The following KCND2 variants were observed in gnomAD, a reference collection of about 807,000 sequenced individuals.
KCND2 encodes the protein potassium voltage-gated channel subfamily D member 2.
In KCND2, 16 loss-of-function variants were observed where a neutral mutation model predicts 54.4. The observed-to-expected ratio is 0.29, with a 90% CI of 0.20 to 0.45. The LOEUF (loss-of-function observed/expected upper bound fraction) is 0.45, where lower values mean the gene tolerates loss of function less well. KCND2 is among the 20% of genes least tolerant of loss of function. The probability of loss-of-function intolerance (pLI) is 1.00; values close to 1 mark genes in which losing one functional copy is unlikely to be tolerated. For missense variants in KCND2, 486 were observed against 824.2 expected (o/e 0.59, Z 5.02); for synonymous variants, 317 against 310.7 (o/e 1.02, Z -0.21).
chr7:120,607,822 G>A (rs1165047699), intron 1 of KCND2, among the ~76,000 whole-genome samples: 2 of 151,986 alleles, frequency 1.3e-5, no homozygotes, highest in African/African-American at 4.8e-5. Context: ...CAGGATGGAG[G>A]AAGAACATTT....
Position 120,348,182 on chromosome 7 carries a change from C to G in KCND2, c.1115+72435C>G, listed in dbSNP as rs537961957. ...ATCATCAGATACGCTATAATGCTAT[C>G]TCTTTGATTCCAAATATCATAGATA... is the stretch of plus-strand genomic sequence containing the variant. On this transcript the variant is annotated intron_variant, in intron 1 of 5. Transcript: ENST00000331113. Among the ~76,000 whole-genome samples the G allele has an allele frequency of 2.6e-5, 4 of 152,262 alleles. No individual in the cohort carries two copies. In the East Asian group the frequency reaches 7.7e-4, roughly 29 times the overall value.
chr7:120,734,232 G>C (rs1343998927), intron 2 of KCND2, among the ~76,000 whole-genome samples: 2 of 152,062 alleles, frequency 1.3e-5, no homozygotes, highest in Admixed American at 6.6e-5. Flanking sequence ...AAACTCAGCG[G>C]TTGGCACAAG....
At chr7:120,526,193 A>G (rs1791771045) in intron 1 of KCND2, among the ~76,000 whole-genome samples, 1 of 152,182 alleles carries the variant, frequency 6.6e-6, no homozygotes, top group Admixed American at 6.5e-5. Flanking sequence ...ACCAGACATC[A>G]CTTTCTGAAT....
intron 1 of KCND2, among the ~76,000 whole-genome samples, chr7:120,731,959 A>G (rs1792813316): frequency 6.6e-6 from 1 of 152,140 alleles, no homozygotes; most frequent in Non-Finnish European, 1.5e-5. Flanking sequence ...GGGAAATGAG[A>G]GTTCCATTTT....
At chr7:120,731,173 C>A (rs887618491) in intron 1 of KCND2, among the ~76,000 whole-genome samples, 2 of 152,166 alleles carry the variant, frequency 1.3e-5, no homozygotes, top group Admixed American at 6.6e-5. Flanking sequence ...TAGGAGCTGG[C>A]CTTATGCTCA....
intron 2 of KCND2, among the ~76,000 whole-genome samples, chr7:120,739,821 A>G (rs1792918356): frequency 6.7e-6 from 1 of 148,834 alleles, no homozygotes; most frequent in African/African-American, 2.6e-5. Flanking sequence ...ACACACACAC[A>G]CACACACACA....
chr7:120,475,080 G>A (rs567892007), intron 1 of KCND2, among the ~76,000 whole-genome samples: 1 of 152,242 alleles, frequency 6.6e-6, no homozygotes, highest in East Asian at 1.9e-4. Flanking sequence ...CACTCTATGT[G>A]AAATGTTGCT....
chr7:120,431,058 TTAA>T (rs1319134292), intron 1 of KCND2, among the ~76,000 whole-genome samples: 1 of 152,210 alleles, frequency 6.6e-6, no homozygotes, highest in Non-Finnish European at 1.5e-5. Context: ...ACTAATATGT[TTAA>T]CATCTGCAGC....
At chr7:120,571,001 C>A (rs1172141671) in intron 1 of KCND2, among the ~76,000 whole-genome samples, 1 of 152,190 alleles carries the variant, frequency 6.6e-6, no homozygotes, top group African/African-American at 2.4e-5. Context: ...GGAGACCCTG[C>A]ACGCTGCTCA....
chr7:120,307,216 G>GA (rs202232415), intron 1 of KCND2, among the ~76,000 whole-genome samples: 176 of 149,404 alleles, frequency 1.2e-3, no homozygotes, highest in African/African-American at 3.9e-3. Flanking sequence ...TTTATGTAGA[G>GA]AAAAAAAAAC....
chr7:120,595,591 G>GTGTGTA (rs370024431), intron 1 of KCND2, among the ~76,000 whole-genome samples: 22 of 131,898 alleles, frequency 1.7e-4, no homozygotes, highest in Admixed American at 8.1e-4. Flanking sequence ...GTGTGTGTGT[G>GTGTGTA]TATATATATA....
At chr7:120,397,719 A>T (rs1259258836) in intron 1 of KCND2, among the ~76,000 whole-genome samples, 1 of 151,870 alleles carries the variant, frequency 6.6e-6, no homozygotes, top group Non-Finnish European at 1.5e-5. Flanking sequence ...CCTACAGTTT[A>T]CTTAACAATA....
intron 1 of KCND2, among the ~76,000 whole-genome samples, chr7:120,409,276 A>G (rs1378676764): frequency 6.6e-6 from 1 of 151,958 alleles, no homozygotes. Context: ...ATATGAAAAA[A>G]GATACAATGT....
chr7:120,606,030 A>G lies in KCND2; in HGVS notation c.1116-126873A>G, dbSNP rs114449483. 9.6e-3 allele frequency among the ~76,000 whole-genome samples: 1,459 copies of G among 152,164 alleles called. 23 individuals carry two copies. Among genetic ancestry groups the G allele is most frequent in the African/African-American group, 0.033 (1,364 of 41,520 alleles). On this transcript the variant is annotated intron_variant, in intron 1 of 5. Coordinates refer to ENST00000331113, the MANE Select transcript of KCND2 (RefSeq NM_012281.3). ...TCTCATGAAATCTGATGGTTTTATAAAAGGCATTTCCCCTGCACACACTCT... is the reference window on the plus strand; with the variant it reads ...TCTCATGAAATCTGATGGTTTTATAGAAGGCATTTCCCCTGCACACACTCT...
intron 1 of KCND2, among the ~76,000 whole-genome samples, chr7:120,584,764 G>A (rs552232660): frequency 6.6e-6 from 1 of 152,178 alleles, no homozygotes; most frequent in Admixed American, 6.5e-5. Context: ...ACACACGCAT[G>A]CGCGTGCACA....
At chr7:120,720,823 G>GTT (rs1229255408) in intron 1 of KCND2, among the ~76,000 whole-genome samples, 1 of 152,102 alleles carries the variant, frequency 6.6e-6, no homozygotes, top group African/African-American at 2.4e-5. Flanking sequence ...AGTCCATTCT[G>GTT]TTGTAAACAC....
intron 2 of KCND2, among the ~76,000 whole-genome samples, chr7:120,735,703 TC>T (rs764111857): frequency 6.6e-6 from 1 of 152,122 alleles, no homozygotes; most frequent in Non-Finnish European, 1.5e-5. Context: ...CTTTTTGGTA[TC>T]TTTAAATATT....
intron 1 of KCND2, among the ~76,000 whole-genome samples, chr7:120,279,669 T>G (rs766824039): frequency 5.9e-5 from 9 of 151,918 alleles, no homozygotes; most frequent in Non-Finnish European, 1.0e-4. Context: ...TCAATTTTTG[T>G]GCGTTTGGTG....
At chr7:120,350,740 G>A (rs1800388058) in intron 1 of KCND2, among the ~76,000 whole-genome samples, 1 of 152,056 alleles carries the variant, frequency 6.6e-6, no homozygotes, top group Non-Finnish European at 1.5e-5. Context: ...TTCAACCTAA[G>A]GACAGATTTC....
Sources: gnomAD v4.1 joint callset for allele counts (sites outside exome capture counted in the v4.1 genomes callset) on GRCh38, gnomAD v4.1.1 for gene constraint, MANE v1.5 for transcripts, NCBI Gene and HGNC (gene_info 2026-07-23, HGNC 2026-07-21) for gene names.